Variants in PCDHA8 observed in about 807,000 individuals in gnomAD.
PCDHA8 encodes the protein protocadherin alpha-8.
In PCDHA8, 53 loss-of-function variants were observed where a neutral mutation model predicts 61.8. The ratio of observed to expected loss-of-function variants is 0.86; its 90% CI spans 0.69 to 1.08. The LOEUF is 1.08. Among genes scored for constraint, PCDHA8 ranks in the 50% least tolerant of loss-of-function variants. The pLI is 0.00. For missense variants in PCDHA8, 1,293 were observed against 1,245.0 expected (o/e 1.04, Z -0.58); for synonymous variants, 618 against 556.6 (o/e 1.11, Z -1.55).
intron 1 of PCDHA8, among the ~76,000 whole-genome samples, chr5:140,957,828 G>A (rs554121251): frequency 6.0e-5 from 9 of 150,668 alleles, no homozygotes; most frequent in Non-Finnish European, 1.2e-4. Context: ...AAGAGAAAGT[G>A]TTAATTGATT....
intron 1 of PCDHA8, chr5:140,863,128 C>G (rs555226712): frequency 3.3e-6 from 2 of 598,142 alleles, no homozygotes; most frequent in East Asian, 8.9e-5. Context: ...TACGCGCCAC[C>G]GCCTGCTGGT....
chr5:140,911,626 T>C (rs1436086231), intron 1 of PCDHA8, among the ~76,000 whole-genome samples: 5 of 152,180 alleles, frequency 3.3e-5, no homozygotes, highest in African/African-American at 1.2e-4. Context: ...TCCCCACATA[T>C]GGTCAAAGGT....
intron 3 of PCDHA8, among the ~76,000 whole-genome samples, chr5:140,996,730 A>G (rs1271920339): frequency 2.6e-5 from 4 of 152,228 alleles, no homozygotes; most frequent in African/African-American, 9.6e-5. Context: ...AGAAGAAACA[A>G]AAGTCATAAC....
At position 140,843,090 on chromosome 5, in the gene PCDHA8, T is replaced by A; in HGVS notation, c.1769T>A (p.Val590Glu). The A allele has an allele frequency of 2.5e-6, 4 of 1,595,448 alleles. 1 individual carries two copies. The highest frequency in any genetic ancestry group is 3.4e-6 in the Non-Finnish European group (4 of 1,165,354). ...LVPRSVGAGH[V>E]VAKVRAVDAD... ...CCGCGGTCTGTGGGCGCGGGCCACGTGGTAGCGAAGGTGCGCGCAGTGGAC... is the reference window on the plus strand; with the variant it reads ...CCGCGGTCTGTGGGCGCGGGCCACGAGGTAGCGAAGGTGCGCGCAGTGGAC... Residue 590 changes from valine (V) to glutamate (E), a missense_variant, in exon 1 of 4, where the codon GTG becomes GAG. Transcript: ENST00000531613.
At chr5:140,857,863 G>A in intron 1 of PCDHA8, 2 of 1,597,840 alleles carry the variant, frequency 1.3e-6, no homozygotes, top group Non-Finnish European at 8.6e-7. Flanking sequence ...ACAACGCGTG[G>A]CTGTCGTATG....
At chr5:140,895,851 C>T (rs2065201261) in intron 1 of PCDHA8, among the ~76,000 whole-genome samples, 1 of 152,078 alleles carries the variant, frequency 6.6e-6, no homozygotes, top group Admixed American at 6.6e-5. Flanking sequence ...CACTCTTGTA[C>T]CCCAGGCTGG....
chr5:140,860,972 C>G (rs539931081), intron 1 of PCDHA8: 1 of 152,196 alleles, frequency 6.6e-6, no homozygotes, highest in Non-Finnish European at 1.5e-5. Context: ...CTCCTGACCT[C>G]GTGATCCACC....
intron 3 of PCDHA8, among the ~76,000 whole-genome samples, chr5:141,000,895 T>C (rs896500322): frequency 5.3e-5 from 8 of 152,072 alleles, no homozygotes; most frequent in Non-Finnish European, 1.2e-4. Context: ...GCAACAGATA[T>C]AGACGCTGTC....
intron 1 of PCDHA8, among the ~76,000 whole-genome samples, chr5:140,910,845 G>C (rs1448971238): frequency 6.6e-6 from 1 of 152,090 alleles, no homozygotes; most frequent in Non-Finnish European, 1.5e-5. Context: ...CAATGCCTTG[G>C]ATCTATGTTC....
intron 1 of PCDHA8, among the ~76,000 whole-genome samples, chr5:140,941,221 TTC>T (rs1217645089): frequency 7.6e-6 from 1 of 131,640 alleles, no homozygotes; most frequent in African/African-American, 3.0e-5. Flanking sequence ...CTTCCTTTCT[TTC>T]TTTCTTTCTT....
At chr5:140,976,742 AC>A (rs1170747899) in intron 1 of PCDHA8, among the ~76,000 whole-genome samples, 1 of 151,778 alleles carries the variant, frequency 6.6e-6, no homozygotes, top group Admixed American at 6.6e-5. Context: ...CATTTTAAAA[AC>A]CTCCCAGATG....
intron 3 of PCDHA8, among the ~76,000 whole-genome samples, chr5:140,989,548 T>G (rs914557459): frequency 1.3e-5 from 2 of 152,166 alleles, no homozygotes; most frequent in Non-Finnish European, 2.9e-5. Flanking sequence ...TGTAATTCCT[T>G]TACGTTTTGT....
chr5:141,010,226 C>G lies in PCDHA8; in HGVS notation c.*289C>G, dbSNP rs1386050566. The G allele has an allele frequency of 1.3e-6, 2 of 1,551,706 alleles. No individual in the cohort carries two copies. Among genetic ancestry groups the G allele is most frequent in the Non-Finnish European group, 1.7e-6 (2 of 1,147,032 alleles). ...CGCCGCAAAGGAGAGGCTTCCCAGC[C>G]CCGCCAGTGAGAGGTTGGACTCTCT... On this transcript the variant is annotated 3_prime_UTR_variant, in exon 4 of 4. Coordinates refer to ENST00000531613, the MANE Select transcript of PCDHA8 (RefSeq NM_018911.3).
intron 1 of PCDHA8, chr5:140,850,366 T>A (rs1226004214): frequency 1.3e-6 from 2 of 1,597,368 alleles, no homozygotes; most frequent in Non-Finnish European, 1.7e-6. Context: ...CCGTTCCGCG[T>A]GGGGCTGTAC....
intron 1 of PCDHA8, chr5:140,862,425 A>T: frequency 2.8e-6 from 1 of 353,460 alleles, no homozygotes; most frequent in Non-Finnish European, 5.6e-6. Context: ...GCTGCCCAGA[A>T]ACTATTCGTT....
At chr5:140,990,471 A>G (rs892013539) in intron 3 of PCDHA8, among the ~76,000 whole-genome samples, 4 of 152,204 alleles carry the variant, frequency 2.6e-5, no homozygotes, top group Admixed American at 1.3e-4. Context: ...GGTATCATGT[A>G]TCAAGCTGAA....
chr5:140,870,190 C>T (rs1554163883), intron 1 of PCDHA8: 15 of 1,614,174 alleles, frequency 9.3e-6, no homozygotes, highest in Non-Finnish European at 1.1e-5. Flanking sequence ...AGAGGACGCT[C>T]AGCCCAGCAC....
intron 1 of PCDHA8, among the ~76,000 whole-genome samples, chr5:140,932,462 A>G (rs549858141): frequency 6.6e-6 from 1 of 152,022 alleles, no homozygotes; most frequent in African/African-American, 2.4e-5. Flanking sequence ...GCCAGGGTAT[A>G]TAGGAAATAG....
chr5:140,995,372 G>A (rs1363484150), intron 3 of PCDHA8, among the ~76,000 whole-genome samples: 3 of 152,168 alleles, frequency 2.0e-5, no homozygotes, highest in African/African-American at 7.2e-5. Context: ...GATGATTCAC[G>A]TACTGGGCAG....
Sources: gnomAD v4.1 joint callset for allele counts (sites outside exome capture counted in the v4.1 genomes callset) on GRCh38, gnomAD v4.1.1 for gene constraint, MANE v1.5 for transcripts, NCBI Gene and HGNC (gene_info 2026-07-23, HGNC 2026-07-21) for gene names.